The following RAB1B variants were observed in gnomAD, a reference collection of about 807,000 sequenced individuals.
The protein encoded by RAB1B is RAB1B, member RAS oncogene family.
A neutral mutation model predicts 24.8 loss-of-function variants in RAB1B; 10 were observed. The observed-to-expected ratio is 0.40, with a 90% CI of 0.25 to 0.68. RAB1B has a LOEUF of 0.68. RAB1B is among the 30% of genes least tolerant of loss of function. RAB1B has a pLI of 0.37. For missense variants in RAB1B, 154 were observed against 271.2 expected (o/e 0.57, Z 3.04); for synonymous variants, 99 against 111.7 (o/e 0.89, Z 0.72).
intron 4 of RAB1B, among the ~76,000 whole-genome samples, 196 bp from the exon 5 acceptor site, chr11:66,275,608 T>G (rs1347543006): frequency 6.6e-6 from 1 of 152,046 alleles, no homozygotes; most frequent in Non-Finnish European, 1.5e-5. Flanking sequence ...CTGGGGCTGT[T>G]CTGGGTCTCG....
chr11:66,276,231 G>C lies in RAB1B; in HGVS notation c.599G>C (p.Cys200Ser). The C allele has an allele frequency of 1.3e-6, 2 of 1,588,646 alleles. No homozygotes were observed. Among genetic ancestry groups the C allele is most frequent in the Non-Finnish European group, 1.7e-6 (2 of 1,170,832 alleles). Residue 200 changes from cysteine to serine, a missense_variant, in exon 6 of 6, where the codon TGT becomes TCT. Physicochemically the swap from Cys to Ser is moderately radical, Grantham distance 112. This residue lies in a region of RAB1B where 77 missense variants were observed against 97.8 expected (regional missense o/e 0.79). Coordinates refer to ENST00000311481, the MANE Select transcript of RAB1B (RefSeq NM_030981.3). Reference sequence around the variant, plus strand: ...CCTGTAAAGCCGGCTGGCGGTGGCTGTTGCTAGGAGGGGCACATGGAGTGG... The same window carrying C: ...CCTGTAAAGCCGGCTGGCGGTGGCTCTTGCTAGGAGGGGCACATGGAGTGG... ...STPVKPAGGG[C>S]C
chr11:66,271,227 C>G (rs1036965498), intron 1 of RAB1B: 1 of 152,580 alleles, frequency 6.6e-6, no homozygotes, highest in African/African-American at 2.4e-5. Context: ...GTGGCTCACA[C>G]CTGTAATCCC....
At chr11:66,271,701 G>C in intron 1 of RAB1B, 96 bp from the exon 2 acceptor site, 1 of 823,428 alleles carries the variant, frequency 1.2e-6, no homozygotes, top group Non-Finnish European at 2.1e-6. Context: ...ACCAAGGGAT[G>C]CCTCATGGGG....
At position 66,270,795 on chromosome 11, in the gene RAB1B, A is replaced by T. The variant is rs563621311; in HGVS notation, c.15-1002A>T. ...TCTACTTCTGGGGCCTTCTCTGCCA[A>T]GCTAGGCACACGCAGGGCATGTACT... On this transcript the variant is annotated intron_variant, in intron 1 of 5. Coordinates refer to ENST00000311481, the MANE Select transcript of RAB1B (RefSeq NM_030981.3). 13 of 152,474 alleles carry T rather than the reference A, an allele frequency of 8.5e-5. No individual in the cohort carries two copies. In the East Asian group the frequency reaches 2.5e-3, roughly 29 times the overall value. 9.4% of individuals were successfully genotyped at this position (152,474 alleles called of 1,614,324 possible).
chr11:66,268,643 T>TCGACTGGGAG lies in RAB1B; in HGVS notation c.-32_-23dup. The TCGACTGGGAG allele has an allele frequency of 1.3e-6, 2 of 1,554,116 alleles. No individual in the cohort carries two copies. Among genetic ancestry groups the TCGACTGGGAG allele is most frequent in the Admixed American group, 4.0e-5 (2 of 49,994 alleles). On this transcript the variant is annotated 5_prime_UTR_variant, in exon 1 of 6. Coordinates refer to ENST00000311481, the MANE Select transcript of RAB1B (RefSeq NM_030981.3). Reference sequence around the variant, plus strand: ...TCTTGGAACGGGAGGCGGAGCAGAGTCGACTGGGAGCGACCGAGCGGGCCG... The same window carrying TCGACTGGGAG: ...TCTTGGAACGGGAGGCGGAGCAGAGTCGACTGGGAGCGACTGGGAGCGACCGAGCGGGCCG...
rs1375818035 is a variant in RAB1B, at chr11:66,269,202, T to G, written c.14+509T>G. On this transcript the variant is annotated intron_variant, in intron 1 of 5. Transcript: ENST00000311481. ...ACGCGGGAGGCCCCGAAGCGCCGCT[T>G]GGGTCGCGTCTCCCGCAGGTCCTCT... 2.0e-5 allele frequency among the ~76,000 whole-genome samples: 3 copies of G among 152,078 alleles called. No individual in the cohort carries two copies. In the East Asian group the frequency reaches 5.8e-4, roughly 29 times the overall value.
intron 1 of RAB1B, chr11:66,270,034 C>T (rs890138330): frequency 6.6e-6 from 1 of 152,184 alleles, no homozygotes; most frequent in Non-Finnish European, 1.5e-5. Context: ...ACCACCACAC[C>T]TGGCACATTT....
chr11:66,271,896 C>T lies in RAB1B; in HGVS notation c.87+27C>T, dbSNP rs142145410. ...TGAGTAAGAAGCCTCCCATACCATC[C>T]ACCTGGGGTCCTGACTGGCAGCTGG... is the stretch of plus-strand genomic sequence containing the variant. On this transcript the variant is annotated intron_variant, in intron 2 of 5. Transcript: ENST00000311481. 7.0e-4 allele frequency: 1,104 copies of T among 1,585,190 alleles called. 5 individuals are homozygous for T. In the African/African-American group the frequency reaches 0.013, roughly 19 times the overall value.
intron 1 of RAB1B, 109 bp from the exon 2 acceptor site, chr11:66,271,685 AAAT>A: frequency 1.3e-6 from 1 of 750,994 alleles, no homozygotes; most frequent in Non-Finnish European, 2.3e-6. Context: ...AAAAAAATAA[AAAT>A]AAACCAAGGG....
chr11:66,276,316 C>T lies in RAB1B; in HGVS notation c.*78C>T, dbSNP rs1857144986. On this transcript the variant is annotated 3_prime_UTR_variant, in exon 6 of 6. Transcript: ENST00000311481. The stretch of plus-strand genomic sequence containing the variant: ...TGGAGGGGGCAGGAGGTACCTCCCT[C>T]TCCCTCTCCTGGGGCATTTGAGTCT... The T allele has an allele frequency of 1.5e-6, 2 of 1,341,068 alleles. No homozygotes were observed. Among genetic ancestry groups the T allele is most frequent in the Non-Finnish European group, 2.0e-6 (2 of 1,004,298 alleles). 83.1% of individuals were successfully genotyped at this position (1,341,068 alleles called of 1,614,324 possible).
At chr11:66,275,220 C>T (rs1396266984) in intron 4 of RAB1B, among the ~76,000 whole-genome samples, 1 of 152,132 alleles carries the variant, frequency 6.6e-6, no homozygotes, top group African/African-American at 2.4e-5. Context: ...AAAGTCCTGT[C>T]CTTTGTGTGT....
chr11:66,272,528 C>T (rs904861173), intron 4 of RAB1B, 68 bp downstream of exon 4: 2 of 1,018,782 alleles, frequency 2.0e-6, no homozygotes, highest in African/African-American at 1.6e-5. Flanking sequence ...TCTTTTTCCT[C>T]CTTCCATCCT....
Position 66,272,193 on chromosome 11 carries a change from G to A in RAB1B, c.124G>A (p.Gly42Arg). 1 of 1,613,832 alleles carries A rather than the reference G, an allele frequency of 6.2e-7. No individual in the cohort carries two copies. Among genetic ancestry groups the A allele is most frequent in the Non-Finnish European group, 8.5e-7 (1 of 1,179,748 alleles). The change falls in exon 3 of 6, where the codon GGG (glycine) becomes AGG (arginine). Residue 42 changes from glycine (G) to arginine (R), a missense_variant. Around this residue, in one of 2 missense-constraint regions of RAB1B, gnomAD observed 77 missense variants for 173.4 expected, o/e 0.44. Coordinates refer to ENST00000311481, the MANE Select transcript of RAB1B (RefSeq NM_030981.3). Reference protein sequence around the residue: ...TYTESYISTIGVDFKIRTIEL... With the variant: ...TYTESYISTIRVDFKIRTIEL... ...CACAGAGAGCTACATCAGCACCATC[G>A]GGGTGGACTTCAAGATCCGAACCAT...
intron 1 of RAB1B, 26 bp downstream of exon 1, chr11:66,268,719 C>T: frequency 6.4e-7 from 1 of 1,559,990 alleles, no homozygotes; most frequent in Non-Finnish European, 8.7e-7. Flanking sequence ...CCGCGCCGTC[C>T]AGCGCAGCCT....
intron 2 of RAB1B, 26 bp downstream of exon 2, chr11:66,271,895 C>A: frequency 6.3e-7 from 1 of 1,588,700 alleles, no homozygotes; most frequent in Non-Finnish European, 8.6e-7. Context: ...CCCATACCAT[C>A]CACCTGGGGT....
At chr11:66,273,071 C>T (rs930112870) in intron 4 of RAB1B, among the ~76,000 whole-genome samples, 1 of 152,226 alleles carries the variant, frequency 6.6e-6, no homozygotes, top group African/African-American at 2.4e-5. Flanking sequence ...GTTCCCATCG[C>T]ACAGGTAAGG....
chr11:66,270,709 C>A (rs1277480504), intron 1 of RAB1B: 6 of 152,346 alleles, frequency 3.9e-5, no homozygotes, highest in Non-Finnish European at 7.3e-5. Context: ...GCCACAGCAC[C>A]CAGCCATCAG....
intron 1 of RAB1B, 44 bp downstream of exon 1, chr11:66,268,737 G>T (rs1226245913): frequency 1.3e-6 from 2 of 1,548,114 alleles, no homozygotes; most frequent in Non-Finnish European, 1.7e-6. Context: ...CCTCGATCCC[G>T]AATACAGGGC....
chr11:66,271,770 T>G (rs1371915506), intron 1 of RAB1B, 27 bp from the exon 2 acceptor site: 1 of 1,592,656 alleles, frequency 6.3e-7, no homozygotes, highest in East Asian at 2.2e-5. Flanking sequence ...CTGCCTCCCT[T>G]CACGCCTTCC....
Sources: gnomAD v4.1 joint callset for allele counts (sites outside exome capture counted in the v4.1 genomes callset) on GRCh38, gnomAD v4.1.1 for gene constraint, gnomAD v4.1.1 regional missense constraint, MANE v1.5 for transcripts, NCBI Gene and HGNC (gene_info 2026-07-23, HGNC 2026-07-21) for gene names.